Variants in ADGRA1 observed in about 807,000 individuals in gnomAD.
ADGRA1 encodes the protein G-protein coupled receptor 123.
ADGRA1 carries 12 observed loss-of-function variants against 21.3 expected under a neutral mutation model. The ratio of observed to expected loss-of-function variants is 0.56; its 90% CI spans 0.36 to 0.91. The LOEUF is 0.91. Ranked by LOEUF, ADGRA1 falls within the 40% of genes least tolerant of loss-of-function variation. The pLI is 0.01. For synonymous variants in ADGRA1, 385 were observed against 368.8 expected (o/e 1.04, Z -0.50); for missense variants, 790 against 805.6 (o/e 0.98, Z 0.23).
At position 133,128,899 on chromosome 10, in the gene ADGRA1, C is replaced by G; in HGVS notation, c.1071C>G (p.His357Gln). The G allele has an allele frequency of 6.4e-7, 1 of 1,556,600 alleles. No homozygotes were observed. Among genetic ancestry groups the G allele is most frequent in the Non-Finnish European group, 8.7e-7 (1 of 1,154,270 alleles). Reference sequence around the variant, plus strand: ...TGGGCCAGCCACGGGGCTTCGCGCACCCACCGGGCCCCTGCAAGATGACCA... The same window carrying G: ...TGGGCCAGCCACGGGGCTTCGCGCAGCCACCGGGCCCCTGCAAGATGACCA... ...PGLGQPRGFA[H>Q]PPGPCKMTNL... The change falls in exon 7 of 7, where the codon CAC becomes CAG. Residue 357 changes from histidine to glutamine, a missense_variant. Around this residue, in one of 3 missense-constraint regions of ADGRA1, gnomAD observed 391 missense variants for 351.5 expected, o/e 1.11. Transcript: ENST00000392607.
intron 5 of ADGRA1, among the ~76,000 whole-genome samples, chr10:133,114,819 C>G (rs1404239042): frequency 6.6e-6 from 1 of 152,204 alleles, no homozygotes; most frequent in East Asian, 1.9e-4. Flanking sequence ...CCTGAGCTGT[C>G]TGCTGCCCGG....
intron 4 of ADGRA1, chr10:133,102,172 G>T: frequency 2.2e-6 from 1 of 453,432 alleles, no homozygotes; most frequent in South Asian, 1.6e-5. Flanking sequence ...CCCCGTGGGG[G>T]GCTCATCCCA....
intron 4 of ADGRA1, among the ~76,000 whole-genome samples, chr10:133,101,426 G>A (rs1280733347): frequency 6.6e-6 from 1 of 152,222 alleles, no homozygotes; most frequent in Non-Finnish European, 1.5e-5. Context: ...GGGCAGCCGT[G>A]CAGCACCGTG....
At chr10:133,116,747 G>T (rs1852166955) in intron 5 of ADGRA1, among the ~76,000 whole-genome samples, 2 of 152,176 alleles carry the variant, frequency 1.3e-5, no homozygotes, top group South Asian at 4.2e-4. Flanking sequence ...CTTCCTTTTG[G>T]CCGCGCCTCT....
chr10:133,104,502 G>A lies in ADGRA1; in HGVS notation c.401+1660G>A, dbSNP rs536925066. 1.3e-3 allele frequency among the ~76,000 whole-genome samples: 197 copies of A among 152,290 alleles called. 2 individuals carry two copies. The highest frequency in any genetic ancestry group is 4.4e-4 in the Non-Finnish European group (30 of 68,006). ...GTGCTGGGGGGCCAGCGGGCCCGGGGCTCGGCACTGACCGGCGGACCCAGC... is the reference window on the plus strand; with the variant it reads ...GTGCTGGGGGGCCAGCGGGCCCGGGACTCGGCACTGACCGGCGGACCCAGC... On this transcript the variant is annotated intron_variant, in intron 5 of 6. Transcript: ENST00000392607.
At chr10:133,127,374 T>A (rs769048906) in intron 6 of ADGRA1, 43 bp downstream of exon 6, 10 of 1,461,716 alleles carry the variant, frequency 6.8e-6, no homozygotes, top group South Asian at 6.2e-5. Flanking sequence ...GAGCAGCGGG[T>A]GGGCTCTGCC....
intron 5 of ADGRA1, among the ~76,000 whole-genome samples, chr10:133,121,623 T>C (rs911811077): frequency 2.0e-5 from 3 of 147,412 alleles, no homozygotes; most frequent in Admixed American, 1.4e-4. Context: ...TGCCTGTGTG[T>C]GTGATGTGTG....
In ADGRA1 at chr10:133,119,114, C is replaced by T. The variant is rs151315180; in HGVS notation, c.402-8119C>T. On this transcript the variant is annotated intron_variant, in intron 5 of 6. Coordinates refer to ENST00000392607, the MANE Select transcript of ADGRA1 (RefSeq NM_001083909.3). Reference sequence around the variant, plus strand: ...CTCACATCACACTTGCACGCACACCCGCAAAGCACCCCACATGGAGCACAG... The same window carrying T: ...CTCACATCACACTTGCACGCACACCTGCAAAGCACCCCACATGGAGCACAG... Among the ~76,000 whole-genome samples, 42 of 152,340 alleles carry T rather than the reference C, an allele frequency of 2.8e-4. No homozygotes were observed. The East Asian group carries it at 6.6e-3, about 24-fold the overall frequency.
intron 5 of ADGRA1, among the ~76,000 whole-genome samples, chr10:133,108,447 C>T (rs1188947234): frequency 1.3e-5 from 2 of 152,076 alleles, no homozygotes; most frequent in African/African-American, 4.8e-5. Context: ...GGGAGGGACA[C>T]CAGAAGGGAA....
chr10:133,106,737 T>C (rs911030065), intron 5 of ADGRA1, among the ~76,000 whole-genome samples: 14 of 152,246 alleles, frequency 9.2e-5, no homozygotes, highest in Non-Finnish European at 1.3e-4. Flanking sequence ...ACACAGAGTG[T>C]GCAGCATGCT....
At chr10:133,100,931 G>A (rs1851781139) in intron 4 of ADGRA1, among the ~76,000 whole-genome samples, 1 of 152,230 alleles carries the variant, frequency 6.6e-6, no homozygotes, top group South Asian at 2.1e-4. Flanking sequence ...GGGCCGCAGT[G>A]GCTGCAGCTC....
chr10:133,096,874 G>A, intron 2 of ADGRA1, 100 bp from the exon 3 acceptor site: 5 of 1,420,894 alleles, frequency 3.5e-6, no homozygotes, highest in Non-Finnish European at 3.8e-6. Flanking sequence ...GCCTGGAGCG[G>A]CTGCAGGGGA....
intron 5 of ADGRA1, among the ~76,000 whole-genome samples, chr10:133,115,918 C>T (rs907657897): frequency 6.6e-6 from 1 of 152,142 alleles, no homozygotes; most frequent in Non-Finnish European, 1.5e-5. Context: ...AGAGCTGGCG[C>T]TTTGCTCCAG....
intron 5 of ADGRA1, among the ~76,000 whole-genome samples, chr10:133,123,721 C>G (rs934620770): frequency 1.7e-4 from 26 of 152,134 alleles, no homozygotes; most frequent in African/African-American, 4.6e-4. Flanking sequence ...CCCTCCCCCC[C>G]CCCGGCACCT....
rs1283370301 is a variant in ADGRA1 at position 133,087,991 on chromosome 10, G to A, written c.-350G>A. 7.1e-6 allele frequency: 7 copies of A among 984,764 alleles called. No homozygotes were observed. The highest frequency in any genetic ancestry group is 6.2e-5 in the Admixed American group (1 of 16,210). 61.0% of individuals were successfully genotyped at this position (984,764 alleles called of 1,614,324 possible). A position where few individuals can be genotyped will look rare whatever the true frequency, so the allele number is the denominator to read the frequency against. ...GCGGGGCTGTGACTCACCGGCCGGCGCCGCAGCCCCGCAATCTGTTGATAA... is the reference window on the plus strand; with the variant it reads ...GCGGGGCTGTGACTCACCGGCCGGCACCGCAGCCCCGCAATCTGTTGATAA... On this transcript the variant is annotated 5_prime_UTR_variant, in exon 1 of 7. Coordinates refer to ENST00000392607, the MANE Select transcript of ADGRA1 (RefSeq NM_001083909.3).
rs9419099 is a variant in ADGRA1 at position 133,098,220 on chromosome 10, G to A, written c.132-420G>A. Among the ~76,000 whole-genome samples, 769 of 152,258 alleles carry A rather than the reference G, an allele frequency of 5.1e-3. 4 individuals carry two copies. The highest frequency in any genetic ancestry group is 0.017 in the African/African-American group (722 of 41,554). On this transcript the variant is annotated intron_variant, in intron 3 of 6. Transcript: ENST00000392607. ...AGCCCCAGGCTATAGCCGGGGTCAC[G>A]CTGAGCCAGTCTAATCACGGTCTCT... is the stretch of plus-strand genomic sequence containing the variant.
chr10:133,098,891 C>G, intron 4 of ADGRA1, 128 bp downstream of exon 4: 1 of 1,279,140 alleles, frequency 7.8e-7, no homozygotes, highest in Non-Finnish European at 1.1e-6. Flanking sequence ...CCTGGCACAT[C>G]GGTGTCTCGG....
At chr10:133,097,347 G>T (rs559640502) in intron 3 of ADGRA1, among the ~76,000 whole-genome samples, 1 of 152,304 alleles carries the variant, frequency 6.6e-6, no homozygotes, top group East Asian at 1.9e-4. Flanking sequence ...TCTTCTCCAC[G>T]GCATCCCCCG....
intron 6 of ADGRA1, among the ~76,000 whole-genome samples, chr10:133,127,596 A>G (rs1482619061): frequency 6.6e-6 from 1 of 152,134 alleles, no homozygotes; most frequent in Non-Finnish European, 1.5e-5. Context: ...GCCTGGGGAC[A>G]AATAGCGATT....
Sources: allele counts gnomAD v4.1 joint callset (sites outside exome capture counted in the v4.1 genomes callset), GRCh38; gene constraint gnomAD v4.1.1; regional missense constraint gnomAD v4.1.1; transcripts MANE v1.5; gene names NCBI Gene and HGNC (gene_info 2026-07-23, HGNC 2026-07-21).